YWHAZ: variants seen among roughly 807,000 people sequenced by gnomAD.
YWHAZ encodes the protein tyrosine 3-monooxygenase/tryptophan 5-monooxygenase activation protein zeta.
For missense variants in YWHAZ, 79 were observed against 284.8 expected, an observed-to-expected ratio of 0.28 and a Z score of 5.20; for synonymous variants, 87 against 103.6, an observed-to-expected ratio of 0.84 and a Z score of 0.97.
upstream of YWHAZ, chr8:100,953,098 G>A: frequency 1.0e-6 from 1 of 990,402 alleles, no homozygotes; most frequent in Non-Finnish European, 1.2e-6. Context: ...CCAGAGTTCC[G>A]AGGGGAAAGG....
At chr8:100,942,134 T>C (rs1321228132) in intron 2 of YWHAZ, among the ~76,000 whole-genome samples, 1 of 152,202 alleles carries the variant, frequency 6.6e-6, no homozygotes, top group African/African-American at 2.4e-5. Flanking sequence ...TGAAACTTTT[T>C]AATAACCTAT....
At chr8:100,945,117 C>A (rs888639830) in intron 2 of YWHAZ, among the ~76,000 whole-genome samples, 3 of 152,166 alleles carry the variant, frequency 2.0e-5, no homozygotes, top group Non-Finnish European at 4.4e-5. Context: ...AGGCAGATTG[C>A]ATTAGTTCAC....
intron 2 of YWHAZ, among the ~76,000 whole-genome samples, chr8:100,944,307 T>TTTCTGTTTAA (rs1810103767): frequency 6.6e-6 from 1 of 152,200 alleles, no homozygotes; most frequent in Non-Finnish European, 1.5e-5. Context: ...TGCTTTCTTA[T>TTTCTGTTTAA]TTCTGTTTAA....
At chr8:100,932,647 T>C (rs951081675) in intron 2 of YWHAZ, among the ~76,000 whole-genome samples, 5 of 152,202 alleles carry the variant, frequency 3.3e-5, no homozygotes, top group Admixed American at 6.5e-5. Context: ...TTTAAGATAT[T>C]TGTCGAATAC....
At chr8:100,952,917 C>T (rs1005351333), upstream of YWHAZ, 19 of 1,000,306 alleles carry the variant, frequency 1.9e-5, no homozygotes, top group South Asian at 8.0e-4. Flanking sequence ...CGTCCAGCCC[C>T]TGAGTGTGGC....
At chr8:100,937,973 A>G (rs1336888771) in intron 2 of YWHAZ, among the ~76,000 whole-genome samples, 1 of 152,220 alleles carries the variant, frequency 6.6e-6, no homozygotes, top group Non-Finnish European at 1.5e-5. Flanking sequence ...TCTACTAAAA[A>G]TACAGAATTA....
chr8:100,924,516 CATT>C lies in YWHAZ; in HGVS notation c.419-221_419-219del, dbSNP rs796581562. Among the ~76,000 whole-genome samples the C allele has an allele frequency of 1.8e-4, 27 of 151,942 alleles. No homozygotes were observed. Among genetic ancestry groups the C allele is most frequent in the African/African-American group, 6.5e-4 (27 of 41,436 alleles). On this transcript the variant is annotated intron_variant, in intron 3 of 5. Coordinates refer to ENST00000395958, the MANE Select transcript of YWHAZ (RefSeq NM_145690.3). This position sits in a 1 kb window ranked among gnomAD's most constrained non-coding sequence, Gnocchi z 5.7. ...TCAAGATAAAACAACTTTATAATCT[CATT>C]ATTGTTATGTTTTTAAAAAATTGAC...
chr8:100,951,215 G>T, intron 1 of YWHAZ: 1 of 983,846 alleles, frequency 1.0e-6, no homozygotes, highest in South Asian at 4.7e-5. Context: ...CCGCCGGCGC[G>T]CAGCCTCGCC....
upstream of YWHAZ, chr8:100,952,303 G>A (rs911574357): frequency 1.1e-5 from 3 of 277,632 alleles, no homozygotes; most frequent in Admixed American, 6.5e-5. Context: ...CTTGTCCCGA[G>A]TGCACCTAGG....
chr8:100,939,116 A>G (rs921687034), intron 2 of YWHAZ, among the ~76,000 whole-genome samples: 11 of 152,200 alleles, frequency 7.2e-5, no homozygotes, highest in Admixed American at 7.2e-4. Flanking sequence ...CTAAAACTTT[A>G]TTAATATAAT....
Position 100,948,300 on chromosome 8 carries a change from A to AT in YWHAZ, c.294+295dup. 1.5e-6 allele frequency: 1 copy of AT among 657,334 alleles called. No individual in the cohort carries two copies. Among genetic ancestry groups the AT allele is most frequent in the Non-Finnish European group, 2.4e-6 (1 of 409,096 alleles). The allele number at this position is 657,334 out of a possible 1,614,324, so 40.7% of individuals were successfully genotyped here. On this transcript the variant is annotated intron_variant, in intron 2 of 5. Coordinates refer to ENST00000395958, the MANE Select transcript of YWHAZ (RefSeq NM_145690.3). This position sits in a 1 kb window ranked among gnomAD's most constrained non-coding sequence, Gnocchi z 4.2. Reference sequence around the variant, plus strand: ...TAGAGCTACTACAAATATTCTAACCATAAGTAAAACAGTAACACAATTAGT... The same window carrying AT: ...TAGAGCTACTACAAATATTCTAACCATTAAGTAAAACAGTAACACAATTAGT...
rs71572094 is a variant in YWHAZ at position 100,918,408 on chromosome 8, T to TTATATATATA, written c.*2275_*2284dup. 0.029 allele frequency: 1,209 copies of TTATATATATA among 41,612 alleles called. 99 individuals carry two copies. Among genetic ancestry groups the TTATATATATA allele is most frequent in the Middle Eastern group, 0.053 (2 of 38 alleles). The allele number at this position is 41,612 out of a possible 1,614,324, so 2.6% of individuals were successfully genotyped here. A position where few individuals can be genotyped will look rare whatever the true frequency, so the allele number is the denominator to read the frequency against. On this transcript the variant is annotated 3_prime_UTR_variant, in exon 6 of 6. Coordinates refer to ENST00000395958, the MANE Select transcript of YWHAZ (RefSeq NM_145690.3). ...AGTCTAGCTATAAAATATAATTACT[T>TTATATATATA]TATATATATATATATATATATATAT...
chr8:100,951,093 AC>A, intron 1 of YWHAZ: 2 of 335,094 alleles, frequency 6.0e-6, no homozygotes, highest in Non-Finnish European at 6.8e-6. Flanking sequence ...CCCATCCCCC[AC>A]CCCCACCAGG....
At chr8:100,939,227 CTTTT>C (rs944313740) in intron 2 of YWHAZ, among the ~76,000 whole-genome samples, 1 of 148,228 alleles carries the variant, frequency 6.7e-6, no homozygotes, top group East Asian at 2.0e-4. Flanking sequence ...TGTTCTAAAA[CTTTT>C]TTTTTTTAAT....
intron 5 of YWHAZ, 25 bp downstream of exon 5, chr8:100,923,930 A>T: frequency 6.4e-7 from 1 of 1,570,778 alleles, no homozygotes; most frequent in Non-Finnish European, 8.6e-7. Context: ...CACATTCATC[A>T]CTAATGATGC....
rs1317234676 is a variant in YWHAZ, at chr8:100,920,099, A to C, written c.*594T>G. 1 of 152,626 alleles carries C rather than the reference A, an allele frequency of 6.6e-6. No individual in the cohort carries two copies. The highest frequency in any genetic ancestry group is 1.5e-5 in the Non-Finnish European group (1 of 68,044). 9.5% of individuals were successfully genotyped at this position (152,626 alleles called of 1,614,324 possible). On this transcript the variant is annotated 3_prime_UTR_variant, in exon 6 of 6. Transcript: ENST00000395958. ...CAGCAGGTAACTTTACAAATAATGGAATGTGAACCGTTTCTGCCCTTATCC... is the reference window on the plus strand; with the variant it reads ...CAGCAGGTAACTTTACAAATAATGGCATGTGAACCGTTTCTGCCCTTATCC...
chr8:100,928,583 AT>A (rs1240791906), intron 2 of YWHAZ, among the ~76,000 whole-genome samples: 1 of 151,838 alleles, frequency 6.6e-6, no homozygotes, highest in African/African-American at 2.4e-5. Flanking sequence ...AATACAAAAA[AT>A]TAGCCAGGCG....
At chr8:100,944,959 T>C (rs1479518363) in intron 2 of YWHAZ, among the ~76,000 whole-genome samples, 2 of 152,348 alleles carry the variant, frequency 1.3e-5, no homozygotes, top group African/African-American at 4.8e-5. Context: ...AGAGGCTTCC[T>C]AGACTGTATT....
intron 1 of YWHAZ, chr8:100,950,476 T>G: frequency 7.1e-6 from 7 of 985,468 alleles, no homozygotes; most frequent in Non-Finnish European, 8.4e-6. Flanking sequence ...AATTCTCCGG[T>G]CCGCGTATCG....
Sources: allele counts gnomAD v4.1 joint callset (sites outside exome capture counted in the v4.1 genomes callset), GRCh38; gene constraint gnomAD v4.1.1; non-coding constraint Gnocchi (gnomAD v3.1); transcripts MANE v1.5; gene names NCBI Gene and HGNC (gene_info 2026-07-23, HGNC 2026-07-21).